The following SEMA3A variants were observed in gnomAD, a reference collection of about 807,000 sequenced individuals.
SEMA3A encodes semaphorin 3A, also known as semaphorin-3A.
Under a neutral mutation model 97.9 loss-of-function variants are expected in SEMA3A, and 29 were observed. That is an observed-to-expected ratio of 0.30 (90% confidence interval 0.22 to 0.40). The LOEUF is 0.40. SEMA3A is among the 10% of genes least tolerant of loss of function. SEMA3A has a pLI of 1.00. For missense variants in SEMA3A, 763 were observed against 951.3 expected (o/e 0.80, Z 2.60); for synonymous variants, 321 against 323.7 (o/e 0.99, Z 0.09).
At chr7:84,244,078 T>C in intron 3 of SEMA3A, among the ~76,000 whole-genome samples, 1 of 152,190 alleles carries the variant, frequency 6.6e-6, no homozygotes, top group East Asian at 1.9e-4. Flanking sequence ...TCTGTTGATT[T>C]GGGGTGGAGA....
rs192727522 is a variant in SEMA3A at position 83,982,380 on chromosome 7, A to G, written c.1495-902T>C. On this transcript the variant is annotated intron_variant, in intron 13 of 16. Coordinates refer to ENST00000265362, the MANE Select transcript of SEMA3A (RefSeq NM_006080.3). ...GAAGATTAAAAAAATTGTTTTTCTA[A>G]TAATTCAGGATTTCAGTACAACTTT... is the stretch of plus-strand genomic sequence containing the variant. 3.3e-5 allele frequency among the ~76,000 whole-genome samples: 5 copies of G among 152,312 alleles called. No homozygotes were observed. In the East Asian group the frequency reaches 9.7e-4, roughly 29 times the overall value.
chr7:84,190,296 T>A (rs1798001281), intron 1 of SEMA3A, among the ~76,000 whole-genome samples: 1 of 151,770 alleles, frequency 6.6e-6, no homozygotes, highest in African/African-American at 2.4e-5. Flanking sequence ...ATGTTCATTT[T>A]ACATTATTTG....
At chr7:84,234,507 G>C (rs1799189220) in intron 3 of SEMA3A, among the ~76,000 whole-genome samples, 1 of 151,946 alleles carries the variant, frequency 6.6e-6, no homozygotes, top group African/African-American at 2.4e-5. Flanking sequence ...TTTGCTCATT[G>C]ATCTAAATCT....
At chr7:84,291,864 C>T (rs1010033891) in intron 3 of SEMA3A, among the ~76,000 whole-genome samples, 30 of 152,094 alleles carry the variant, frequency 2.0e-4, no homozygotes, top group African/African-American at 6.8e-4. Context: ...ATGTGGAGCA[C>T]CTGTGGTGCA....
At chr7:83,976,676 C>T (rs930539600) in intron 15 of SEMA3A, among the ~76,000 whole-genome samples, 16 of 151,840 alleles carry the variant, frequency 1.1e-4, no homozygotes, top group African/African-American at 3.6e-4. Context: ...TCCACATTAT[C>T]TTCTGCTTGA....
chr7:84,118,716 G>A (rs1213304194), intron 3 of SEMA3A, among the ~76,000 whole-genome samples: 1 of 152,134 alleles, frequency 6.6e-6, no homozygotes, highest in Non-Finnish European at 1.5e-5. Context: ...GTGATTGTGG[G>A]TCTCAGTTCT....
chr7:84,075,226 T>G (rs1401681981), intron 4 of SEMA3A, among the ~76,000 whole-genome samples: 2 of 149,618 alleles, frequency 1.3e-5, no homozygotes, highest in East Asian at 2.0e-4. Flanking sequence ...CAGGCTGGAG[T>G]GCAATGGTGT....
intron 4 of SEMA3A, among the ~76,000 whole-genome samples, chr7:84,069,175 C>A (rs891361205): frequency 6.6e-6 from 1 of 152,024 alleles, no homozygotes; most frequent in African/African-American, 2.4e-5. Flanking sequence ...AATTCATGCC[C>A]ATTACATGTA....
chr7:84,347,450 TTGCCGGGCTGGAGTGCAA>T (rs1171347826), intron 2 of SEMA3A, among the ~76,000 whole-genome samples: 1 of 150,806 alleles, frequency 6.6e-6, no homozygotes, highest in African/African-American at 2.4e-5. Flanking sequence ...GTCTGGTCTG[TTGCCGGGCTGGAGTGCAA>T]TGGCGCGATC....
At position 84,317,943 on chromosome 7, in the gene SEMA3A, T is replaced by C. The variant is rs576648178; in HGVS notation, c.-168-10651A>G. Among the ~76,000 whole-genome samples the C allele has an allele frequency of 2.0e-5, 3 of 152,206 alleles. No homozygotes were observed. In the East Asian group the frequency reaches 5.8e-4, roughly 29 times the overall value. On this transcript the variant is annotated intron_variant, in intron 2 of 3. Coordinates refer to the SEMA3A transcript ENST00000424555. ...AGACAACTGGTGTATTGTTATGCCA[T>C]AAAAATAGCATGAATAATAAAATAA...
intron 3 of SEMA3A, among the ~76,000 whole-genome samples, chr7:84,202,709 C>A (rs1798385007): frequency 6.6e-6 from 1 of 152,118 alleles, no homozygotes; most frequent in Non-Finnish European, 1.5e-5. Flanking sequence ...TTATATTTAT[C>A]CATTCATTCA....
intron 3 of SEMA3A, 129 bp from the exon 4 acceptor site, chr7:84,110,718 C>T (rs766148330): frequency 1.6e-5 from 16 of 985,016 alleles, no homozygotes; most frequent in Non-Finnish European, 1.3e-5. Flanking sequence ...GCATCCCTTT[C>T]ACAACATTTT....
Position 84,051,879 on chromosome 7 carries a change from C to T in SEMA3A, c.548-5436G>A, listed in dbSNP as rs1367898999. Among the ~76,000 whole-genome samples, 81 of 150,516 alleles carry T rather than the reference C, an allele frequency of 5.4e-4. No individual in the cohort carries two copies. The South Asian group carries it at 0.011, about 21-fold the overall frequency. ...AGATAGCTCTTATTATTTTGAAATACGTCCCATCAATACCTAATTTATTGA... is the reference window on the plus strand; with the variant it reads ...AGATAGCTCTTATTATTTTGAAATATGTCCCATCAATACCTAATTTATTGA... On this transcript the variant is annotated intron_variant, in intron 5 of 16. Coordinates refer to ENST00000265362, the MANE Select transcript of SEMA3A (RefSeq NM_006080.3).
At chr7:84,451,219 A>T (rs749279740) in intron 1 of SEMA3A, among the ~76,000 whole-genome samples, 22 of 152,102 alleles carry the variant, frequency 1.4e-4, no homozygotes, top group Non-Finnish European at 2.9e-4. Flanking sequence ...ATTATTTTTC[A>T]TGTGGATATC....
At chr7:83,965,175 G>A (rs1048096369) in intron 15 of SEMA3A, among the ~76,000 whole-genome samples, 4 of 150,890 alleles carry the variant, frequency 2.7e-5, no homozygotes, top group African/African-American at 7.3e-5. Context: ...TCCTGACCTC[G>A]TGATCCGCCC....
At chr7:84,232,233 T>TTATATA (rs1287697361) in intron 3 of SEMA3A, among the ~76,000 whole-genome samples, 2 of 148,178 alleles carry the variant, frequency 1.3e-5, no homozygotes, top group Non-Finnish European at 3.0e-5. Context: ...ATTCCACAAA[T>TTATATA]TATATATATA....
chr7:84,305,176 T>G, intron 3 of SEMA3A, among the ~76,000 whole-genome samples: 1 of 151,850 alleles, frequency 6.6e-6, no homozygotes, highest in Non-Finnish European at 1.5e-5. Context: ...AATAATTATT[T>G]ATATAAGCTA....
rs1428206389 is a variant in SEMA3A, at chr7:83,993,298, GCATTTAGTCCATTTA to G, written c.1453-7836_1453-7822del. Among the ~76,000 whole-genome samples, 390 of 139,780 alleles carry G rather than the reference GCATTTAGTCCATTTA, an allele frequency of 2.8e-3. 2 individuals carry two copies. Among genetic ancestry groups the G allele is most frequent in the African/African-American group, 9.9e-3 (362 of 36,608 alleles). 91.7% of individuals were successfully genotyped at this position (139,780 alleles called of 152,430 possible). A position where few individuals can be genotyped will look rare whatever the true frequency, so the allele number is the denominator to read the frequency against. ...TGCCAGTCTGTGTCTTTTAATTGGA[GCATTTAGTCCATTTA>G]CATTTAAAGTTAATATTGTTATGTG... On this transcript the variant is annotated intron_variant, in intron 12 of 16. Coordinates refer to ENST00000265362, the MANE Select transcript of SEMA3A (RefSeq NM_006080.3).
At chr7:84,208,451 A>G (rs1258251122) in intron 3 of SEMA3A, among the ~76,000 whole-genome samples, 1 of 152,172 alleles carries the variant, frequency 6.6e-6, no homozygotes, top group Non-Finnish European at 1.5e-5. Context: ...CCGTCTCAAA[A>G]AAAAAAAGAA....
Sources: allele counts gnomAD v4.1 joint callset (sites outside exome capture counted in the v4.1 genomes callset), GRCh38; gene constraint gnomAD v4.1.1; transcripts MANE v1.5; gene names NCBI Gene and HGNC (gene_info 2026-07-23, HGNC 2026-07-21).